Variants in PHLPP1 observed in about 807,000 individuals in gnomAD.
PHLPP1 encodes PH domain and leucine rich repeat protein phosphatase 1.
In PHLPP1, 42 loss-of-function variants were observed where a neutral mutation model predicts 117.2. The observed-to-expected ratio is 0.36, with a 90% CI of 0.28 to 0.46. The LOEUF is 0.46. PHLPP1 is among the 20% of genes least tolerant of loss of function. The pLI, the probability that PHLPP1 is intolerant of heterozygous loss-of-function variation, is 1.00. For missense variants in PHLPP1, 2,084 were observed against 2,241.9 expected (o/e 0.93, Z 1.42); for synonymous variants, 1,042 against 970.7 (o/e 1.07, Z -1.37).
At chr18:62,915,166 T>TGCAGTGCATGTGAGGAGTAGAG (rs1909230186) in intron 9 of PHLPP1, among the ~76,000 whole-genome samples, 158 bp downstream of exon 9, 1 of 152,248 alleles carries the variant, frequency 6.6e-6, no homozygotes, top group Admixed American at 6.5e-5. Context: ...AGTTACACAC[T>TGCAGTGCATGTGAGGAGTAGAG]TGCTTCATGC....
chr18:62,865,292 C>T (rs1478447405), intron 4 of PHLPP1, among the ~76,000 whole-genome samples: 1 of 152,142 alleles, frequency 6.6e-6, no homozygotes, highest in Non-Finnish European at 1.5e-5. Flanking sequence ...CACTATTGCA[C>T]TCCAGCCTAG....
intron 14 of PHLPP1, among the ~76,000 whole-genome samples, chr18:62,969,324 A>G (rs888798888): frequency 6.6e-6 from 1 of 152,224 alleles, no homozygotes; most frequent in Non-Finnish European, 1.5e-5. Context: ...ATTCTGTAAT[A>G]TAAGCATTTA....
rs1157964571 is a variant in PHLPP1 at position 62,978,200 on chromosome 18, C to T, written c.3985-62C>T. On this transcript the variant is annotated intron_variant, in intron 16 of 16. Coordinates refer to ENST00000262719, the MANE Select transcript of PHLPP1 (RefSeq NM_194449.4). The surrounding 1 kb of genome is among the most constrained non-coding windows in gnomAD (Gnocchi z 7.0). ...AGACAGTCGAGGGACCCGCAGGGAA[C>T]CTGCACAGTTGCCGCAGGTGCTCTG... 4 of 978,934 alleles carry T rather than the reference C, an allele frequency of 4.1e-6. No individual in the cohort carries two copies. In the African/African-American group the frequency reaches 6.4e-5, roughly 16 times the overall value. 60.6% of individuals were successfully genotyped at this position (978,934 alleles called of 1,614,324 possible).
rs1911274448 is a variant in PHLPP1, at chr18:62,978,595, G to A, written c.4318G>A (p.Val1440Met). 1 of 1,612,864 alleles carries A rather than the reference G, an allele frequency of 6.2e-7. No homozygotes were observed. The highest frequency in any genetic ancestry group is 8.5e-7 in the Non-Finnish European group (1 of 1,179,056). Residue 1440 changes from valine to methionine, a missense_variant, in exon 17 of 17, where the codon GTG becomes ATG. Coordinates refer to ENST00000262719, the MANE Select transcript of PHLPP1 (RefSeq NM_194449.4). The surrounding 1 kb of genome is among the most constrained non-coding windows in gnomAD (Gnocchi z 7.0). ...CTGCGAGCTCAGCGCCGGTGGGGCT[G>A]TGCCACCACCCAGTCCTGGCATCTT... ...CCCELSAGGAVPPPSPGIFPP... is the reference protein window; with the variant it reads ...CCCELSAGGAMPPPSPGIFPP...
In PHLPP1 at chr18:62,772,957, A is replaced by AC. The variant is rs1200577643; in HGVS notation, c.1576+55705dup. On this transcript the variant is annotated intron_variant, in intron 1 of 16. Coordinates refer to ENST00000262719, the MANE Select transcript of PHLPP1 (RefSeq NM_194449.4). ...CTGCTCAAAAAAGAATTCCTCTCCCACCCCCCCAAAAAAAACTCTAAAATT... is the reference window on the plus strand; with the variant it reads ...CTGCTCAAAAAAGAATTCCTCTCCCACCCCCCCCAAAAAAAACTCTAAAATT... Among the ~76,000 whole-genome samples the AC allele has an allele frequency of 1.5e-4, 23 of 149,732 alleles. No homozygotes were observed. The East Asian group carries it at 2.0e-3, about 13-fold the overall frequency.
intron 8 of PHLPP1, among the ~76,000 whole-genome samples, chr18:62,913,400 A>G (rs144140096): frequency 1.3e-5 from 2 of 152,286 alleles, no homozygotes; most frequent in East Asian, 3.9e-4. Flanking sequence ...CTATTTCTGT[A>G]TTTTAATTGA....
chr18:62,794,327 T>A (rs1462655761), intron 1 of PHLPP1, among the ~76,000 whole-genome samples: 1 of 152,128 alleles, frequency 6.6e-6, no homozygotes, highest in Non-Finnish European at 1.5e-5. Flanking sequence ...TGGGAATGAC[T>A]TTTCATTCCA....
At chr18:62,824,519 TGAG>T (rs1914554845) in intron 1 of PHLPP1, among the ~76,000 whole-genome samples, 1 of 152,152 alleles carries the variant, frequency 6.6e-6, no homozygotes, top group Admixed American at 6.6e-5. Flanking sequence ...CAATGGGACA[TGAG>T]GAAACGGCAG....
chr18:62,958,606 GTTTGCACT>G lies in PHLPP1; in HGVS notation c.3325-21_3325-14del, dbSNP rs1237908293. 1 of 1,613,228 alleles carries G rather than the reference GTTTGCACT, an allele frequency of 6.2e-7. No homozygotes were observed. The highest frequency in any genetic ancestry group is 2.2e-5 in the East Asian group (1 of 44,860). ...AGCTTCTCTAGACCATCTCTTTCTT[GTTTGCACT>G]TGTTCTTTTTTCAGTGTGTGGACCT... is the stretch of plus-strand genomic sequence containing the variant. On this transcript the variant is annotated splice_polypyrimidine_tract_variant and intron_variant, in intron 12 of 16. Transcript: ENST00000262719.
At chr18:62,887,393 G>C (rs891491720) in intron 4 of PHLPP1, among the ~76,000 whole-genome samples, 29 of 152,170 alleles carry the variant, frequency 1.9e-4, no homozygotes, top group Non-Finnish European at 8.8e-5. Flanking sequence ...CTGCTTTAGT[G>C]CTTTAGTCTG....
rs1485033916 is a variant in PHLPP1, at chr18:62,715,779, A to G, written c.96A>G (p.Ala32=). 3 of 745,526 alleles carry G rather than the reference A, an allele frequency of 4.0e-6. No homozygotes were observed. In the East Asian group the frequency reaches 2.4e-4, roughly 61 times the overall value. The allele number at this position is 745,526 out of a possible 1,614,324, so 46.2% of individuals were successfully genotyped here. The change falls in exon 1 of 17, where the codon GCA becomes GCG. Residue 32 remains alanine (A), a synonymous_variant. Coordinates refer to ENST00000262719, the MANE Select transcript of PHLPP1 (RefSeq NM_194449.4). ...CGGCGGCCGCCGCTGCGGCAGCAGC[A>G]GCAGCAGCGGCGGCCGCGGCGGCTC... ...SAPAAAAAAA[A]AAAAAAAALA... is the part of the protein sequence containing the mutation.
intron 1 of PHLPP1, among the ~76,000 whole-genome samples, chr18:62,825,642 CG>C (rs1324390473): frequency 6.6e-6 from 1 of 151,580 alleles, no homozygotes; most frequent in East Asian, 1.9e-4. Context: ...TTTATGGAGA[CG>C]GGGTTTCACT....
rs1380587404 is a variant in PHLPP1, at chr18:62,808,139, G to A, written c.1577-21896G>A. On this transcript the variant is annotated intron_variant, in intron 1 of 16. Transcript: ENST00000262719. ...GGTCTGGGGTGTGTGAGAGAGAGAA[G>A]TTGAGGAAGAGGCTTTGGGTTTTGA... is the stretch of plus-strand genomic sequence containing the variant. Among the ~76,000 whole-genome samples, 4 of 152,232 alleles carry A rather than the reference G, an allele frequency of 2.6e-5. No homozygotes were observed. The East Asian group carries it at 5.8e-4, about 22-fold the overall frequency.
At chr18:62,742,685 C>T (rs189253138) in intron 1 of PHLPP1, among the ~76,000 whole-genome samples, 38 of 152,314 alleles carry the variant, frequency 2.5e-4, no homozygotes, top group African/African-American at 8.4e-4. Flanking sequence ...CCACCTGGCT[C>T]GGCCTCCCAA....
chr18:62,963,376 G>A lies in PHLPP1; in HGVS notation c.3464G>A (p.Arg1155His), dbSNP rs771605360. The A allele has an allele frequency of 3.1e-6, 5 of 1,609,972 alleles. No homozygotes were observed. The highest frequency in any genetic ancestry group is 1.3e-5 in the African/African-American group (1 of 74,950). ...HKTLELLNNI[R>H]CFKIDQPSTG... ...CCTGTTTCTCTTGTTAGTAATATCC[G>A]CTGTTTCAAGATTGATCAGCCTTCT... Residue 1155 changes from arginine (R) to histidine (H), a missense_variant, in exon 14 of 17, where the codon CGC (arginine) becomes CAC (histidine). Arg to His is a conservative substitution (Grantham distance 29, BLOSUM62 0). Coordinates refer to ENST00000262719, the MANE Select transcript of PHLPP1 (RefSeq NM_194449.4).
intron 3 of PHLPP1, among the ~76,000 whole-genome samples, chr18:62,841,445 A>G (rs1023797156): frequency 2.0e-5 from 3 of 146,946 alleles, no homozygotes; most frequent in Non-Finnish European, 4.5e-5. Flanking sequence ...CAATTCTCCC[A>G]TCTCAGCCTA....
At chr18:62,719,841 G>A (rs185606487) in intron 1 of PHLPP1, among the ~76,000 whole-genome samples, 276 of 152,204 alleles carry the variant, frequency 1.8e-3, no homozygotes, top group African/African-American at 6.5e-3. Flanking sequence ...TCACCTTTCT[G>A]TTCAATTTTA....
chr18:62,728,056 G>T (rs148204535), intron 1 of PHLPP1, among the ~76,000 whole-genome samples: 122 of 152,218 alleles, frequency 8.0e-4, no homozygotes, highest in African/African-American at 2.5e-3. Context: ...GGAGGCTGAG[G>T]CAGGCGGGCG....
intron 3 of PHLPP1, among the ~76,000 whole-genome samples, chr18:62,847,814 T>TC (rs1175685776): frequency 1.3e-5 from 2 of 152,224 alleles, no homozygotes; most frequent in African/African-American, 2.4e-5. Flanking sequence ...ATTTCCAACA[T>TC]CTGTAGTGTC....
Sources: gnomAD v4.1 joint callset for allele counts (sites outside exome capture counted in the v4.1 genomes callset) on GRCh38, gnomAD v4.1.1 for gene constraint, Gnocchi (gnomAD v3.1) non-coding constraint, MANE v1.5 for transcripts, NCBI Gene and HGNC (gene_info 2026-07-23, HGNC 2026-07-21) for gene names.